The following SPATA16 variants were observed in gnomAD, a reference collection of about 807,000 sequenced individuals.
SPATA16 encodes spermatogenesis-associated protein 16.
SPATA16 carries 36 observed loss-of-function variants against 63.3 expected under a neutral mutation model. The observed-to-expected ratio is 0.57, with a 90% CI of 0.44 to 0.75. The LOEUF is 0.75. Ranked by LOEUF, SPATA16 falls within the 30% of genes least tolerant of loss-of-function variation. The pLI is 0.00. For synonymous variants in SPATA16, 203 were observed against 216.7 expected (o/e 0.94, Z 0.56); for missense variants, 646 against 679.3 (o/e 0.95, Z 0.54).
intron 5 of SPATA16, among the ~76,000 whole-genome samples, chr3:172,968,146 T>C (rs1733961713): frequency 6.6e-6 from 1 of 152,192 alleles, no homozygotes; most frequent in Non-Finnish European, 1.5e-5. Context: ...GCCTGAATTT[T>C]CTAACAAGCC....
chr3:172,949,358 A>C (rs1327101867), intron 6 of SPATA16, among the ~76,000 whole-genome samples: 1 of 152,194 alleles, frequency 6.6e-6, no homozygotes, highest in African/African-American at 2.4e-5. Flanking sequence ...ATTGCGAGCC[A>C]AGTATTAGAG....
chr3:172,958,801 G>C (rs972383989), intron 5 of SPATA16, among the ~76,000 whole-genome samples: 5 of 152,096 alleles, frequency 3.3e-5, no homozygotes, highest in African/African-American at 1.2e-4. Flanking sequence ...GTGTGTGTGT[G>C]TGTTCTAATT....
intron 2 of SPATA16, among the ~76,000 whole-genome samples, chr3:173,064,133 C>T (rs1736455358): frequency 6.6e-6 from 1 of 151,966 alleles, no homozygotes. Context: ...TGGTGAAACA[C>T]TGTCTCTACT....
chr3:172,981,894 C>A (rs1405152693), intron 4 of SPATA16, among the ~76,000 whole-genome samples: 1 of 152,170 alleles, frequency 6.6e-6, no homozygotes, highest in African/African-American at 2.4e-5. Context: ...TACACACTGT[C>A]TATGACTGCT....
At position 172,986,583 on chromosome 3, in the gene SPATA16, C is replaced by T. The variant is rs376098014; in HGVS notation, c.849-9531G>A. 1.1e-3 allele frequency among the ~76,000 whole-genome samples: 173 copies of T among 152,210 alleles called. 1 individual carries two copies. Among genetic ancestry groups the T allele is most frequent in the African/African-American group, 4.0e-3 (168 of 41,548 alleles). ...ATAAGCCCGAGAAGGGCATTCTAGG[C>T]TTAGCACACAGCTTGAACACAGGTG... On this transcript the variant is annotated intron_variant, in intron 4 of 10. Transcript: ENST00000351008.
At chr3:173,088,051 TTTC>T (rs1737114657) in intron 2 of SPATA16, among the ~76,000 whole-genome samples, 4 of 142,610 alleles carry the variant, frequency 2.8e-5, no homozygotes, top group Non-Finnish European at 4.5e-5. Flanking sequence ...TCTTTCTTTC[TTTC>T]TTTCTTTCTT....
intron 2 of SPATA16, among the ~76,000 whole-genome samples, chr3:173,115,227 A>G (rs904227357): frequency 6.6e-6 from 1 of 152,236 alleles, no homozygotes; most frequent in Non-Finnish European, 1.5e-5. Flanking sequence ...ATTTTGTTTC[A>G]TTTAATGCAG....
At chr3:173,096,029 A>G (rs1312976935) in intron 2 of SPATA16, among the ~76,000 whole-genome samples, 4 of 152,102 alleles carry the variant, frequency 2.6e-5, no homozygotes, top group Admixed American at 6.6e-5. Context: ...CAATCTCCCT[A>G]TATAAAAGAA....
chr3:173,049,457 G>A (rs895209072), intron 2 of SPATA16, among the ~76,000 whole-genome samples: 29 of 152,052 alleles, frequency 1.9e-4, no homozygotes, highest in African/African-American at 6.8e-4. Context: ...AATAACCAAA[G>A]ATATTAACAG....
At chr3:172,923,209 T>G (rs1732654273) in intron 8 of SPATA16, among the ~76,000 whole-genome samples, 1 of 152,232 alleles carries the variant, frequency 6.6e-6, no homozygotes, top group Non-Finnish European at 1.5e-5. Flanking sequence ...GAGATGGATT[T>G]CTTATTAATA....
intron 2 of SPATA16, among the ~76,000 whole-genome samples, chr3:173,107,518 T>C (rs16846579): frequency 6.6e-6 from 1 of 151,838 alleles, no homozygotes; most frequent in African/African-American, 2.4e-5. Flanking sequence ...CAGAATCATC[T>C]CTTAGGCGGA....
chr3:173,002,753 A>T (rs1734853992), intron 4 of SPATA16, among the ~76,000 whole-genome samples: 1 of 152,180 alleles, frequency 6.6e-6, no homozygotes, highest in Non-Finnish European at 1.5e-5. Flanking sequence ...CAGACAAAAG[A>T]TCAACATATT....
intron 2 of SPATA16, among the ~76,000 whole-genome samples, chr3:173,068,982 C>T (rs1577158421): frequency 1.3e-5 from 2 of 151,156 alleles, no homozygotes; most frequent in Admixed American, 6.6e-5. Flanking sequence ...TGGTGGCAGG[C>T]GCCTGTAGTC....
At chr3:173,126,699 T>C (rs1738237765) in intron 1 of SPATA16, among the ~76,000 whole-genome samples, 1 of 152,234 alleles carries the variant, frequency 6.6e-6, no homozygotes, top group East Asian at 1.9e-4. Context: ...TACTCTAATC[T>C]GTTTATTTTG....
chr3:172,918,547 A>G (rs1375842843), intron 8 of SPATA16, among the ~76,000 whole-genome samples: 1 of 152,120 alleles, frequency 6.6e-6, no homozygotes, highest in African/African-American at 2.4e-5. Context: ...TACCTATCCA[A>G]GATAGGGGTT....
chr3:173,132,457 C>A (rs1424034784), intron 1 of SPATA16, among the ~76,000 whole-genome samples: 3 of 152,072 alleles, frequency 2.0e-5, no homozygotes, highest in African/African-American at 7.2e-5. Context: ...TAAGAATATA[C>A]ACATAGAAGT....
At chr3:172,924,414 A>G in intron 7 of SPATA16, 97 bp from the exon 8 acceptor site, 1 of 920,194 alleles carries the variant, frequency 1.1e-6, no homozygotes, top group Non-Finnish European at 1.7e-6. Context: ...CTCAATATTA[A>G]TAGATACAAA....
chr3:173,081,387 A>T (rs1014810375), intron 2 of SPATA16, among the ~76,000 whole-genome samples: 4 of 152,216 alleles, frequency 2.6e-5, no homozygotes, highest in Non-Finnish European at 4.4e-5. Flanking sequence ...CCTCCAGCTG[A>T]TGCAGATCAA....
At chr3:173,013,888 T>A (rs1418538775) in intron 4 of SPATA16, among the ~76,000 whole-genome samples, 1 of 151,796 alleles carries the variant, frequency 6.6e-6, no homozygotes, top group Non-Finnish European at 1.5e-5. Context: ...GCTGGGAGAG[T>A]CTCCAGAGCA....
Sources: gnomAD v4.1 joint callset for allele counts (sites outside exome capture counted in the v4.1 genomes callset) on GRCh38, gnomAD v4.1.1 for gene constraint, MANE v1.5 for transcripts, NCBI Gene and HGNC (gene_info 2026-07-23, HGNC 2026-07-21) for gene names.